ZNF790: variants seen among roughly 807,000 people sequenced by gnomAD.
The protein encoded by ZNF790 is zinc finger protein 790.
A neutral mutation model predicts 12.1 loss-of-function variants in ZNF790; 8 were observed. That is an observed-to-expected ratio of 0.66 (90% CI 0.39 to 1.19). The LOEUF (loss-of-function observed/expected upper bound fraction) is 1.19. Ranked by LOEUF, ZNF790 falls within the 50% of genes most tolerant of loss-of-function variation. The probability of loss-of-function intolerance (pLI) is 0.01; values close to 1 mark genes in which losing one functional copy is unlikely to be tolerated. For missense variants in ZNF790, 707 were observed against 752.2 expected, an observed-to-expected ratio of 0.94 and a Z score of 0.70; for synonymous variants, 252 against 244.3, an observed-to-expected ratio of 1.03 and a Z score of -0.29.
intron 1 of ZNF790, chr19:36,828,035 C>G (rs1259540782): frequency 6.6e-6 from 1 of 152,092 alleles, no homozygotes; most frequent in African/African-American, 2.4e-5. Flanking sequence ...GCATAGAGAA[C>G]TTTAAGCACT....
intron 1 of ZNF790, among the ~76,000 whole-genome samples, chr19:36,846,815 T>A (rs373412861): frequency 1.3e-4 from 20 of 152,212 alleles, no homozygotes; most frequent in East Asian, 1.2e-3. Flanking sequence ...TTCTTGATGC[T>A]CTGGCATTTG....
intron 1 of ZNF790, among the ~76,000 whole-genome samples, chr19:36,845,352 G>A (rs1376285928): frequency 6.6e-6 from 1 of 151,428 alleles, no homozygotes; most frequent in Non-Finnish European, 1.5e-5. Flanking sequence ...GGAGGTCGAG[G>A]CTGCAGTGAG....
rs778407176 is a variant in ZNF790, at chr19:36,819,941, CTTGA to C, written c.399_402del (p.Asn133LysfsTer8). The C allele has an allele frequency of 6.2e-7, 1 of 1,614,132 alleles. No individual in the cohort carries two copies. The highest frequency in any genetic ancestry group is 8.5e-7 in the Non-Finnish European group (1 of 1,180,020). On this transcript the variant is annotated frameshift_variant, in exon 5 of 5. Transcript: ENST00000356725. LOFTEE classifies it low-confidence loss of function (END_TRUNC). ...CGTATCACCTGCTTGAAGCATTCCT[CTTGA>C]TTATCTTGAAGTGTTTGAAACTGAG... is the stretch of plus-strand genomic sequence containing the variant.
intron 4 of ZNF790, among the ~76,000 whole-genome samples, chr19:36,821,381 C>T (rs1407258018): frequency 6.6e-6 from 1 of 151,976 alleles, no homozygotes; most frequent in Non-Finnish European, 1.5e-5. Context: ...CTTGACTGAG[C>T]TCTTAATTTT....
chr19:36,831,526 C>T (rs2036909487), intron 1 of ZNF790, among the ~76,000 whole-genome samples: 1 of 152,148 alleles, frequency 6.6e-6, no homozygotes, highest in Non-Finnish European at 1.5e-5. Context: ...AGGTTGAGGC[C>T]AGCCTGGGCA....
At chr19:36,821,269 T>C (rs2071665829) in intron 4 of ZNF790, among the ~76,000 whole-genome samples, 1 of 152,066 alleles carries the variant, frequency 6.6e-6, no homozygotes, top group Non-Finnish European at 1.5e-5. Flanking sequence ...AGTTACAAAG[T>C]ATGAGCAGTA....
chr19:36,818,300 GC>G lies in ZNF790; in HGVS notation c.*132del, dbSNP rs2146000772. 2.7e-6 allele frequency: 2 copies of G among 744,626 alleles called. No individual in the cohort carries two copies. Among genetic ancestry groups the G allele is most frequent in the Non-Finnish European group, 2.0e-6 (1 of 499,626 alleles). 46.1% of individuals were successfully genotyped at this position (744,626 alleles called of 1,614,324 possible). A position where few individuals can be genotyped will look rare whatever the true frequency, so the allele number is the denominator to read the frequency against. On this transcript the variant is annotated 3_prime_UTR_variant, in exon 5 of 5. Coordinates refer to ENST00000356725, the MANE Select transcript of ZNF790 (RefSeq NM_206894.4). Reference sequence around the variant, plus strand: ...ATTCTCTGCTGCTGCTGCTGCTGCTGCTGCTGGATGTGTGCTCTGTTAAAAT... The same window carrying G: ...ATTCTCTGCTGCTGCTGCTGCTGCTGTGCTGGATGTGTGCTCTGTTAAAAT...
chr19:36,843,672 T>A (rs1048294334), intron 1 of ZNF790, among the ~76,000 whole-genome samples: 3 of 152,104 alleles, frequency 2.0e-5, no homozygotes, highest in African/African-American at 4.8e-5. Flanking sequence ...TAAAAAGTAT[T>A]AAGCATGCCG....
chr19:36,843,032 G>A (rs1299099595), upstream of ZNF790, among the ~76,000 whole-genome samples: 2 of 151,544 alleles, frequency 1.3e-5, no homozygotes, highest in Non-Finnish European at 2.9e-5. Flanking sequence ...AGACATGAAG[G>A]AGTGTTTGGG....
chr19:36,822,580 G>C (rs1249674028), intron 4 of ZNF790, among the ~76,000 whole-genome samples: 1 of 152,208 alleles, frequency 6.6e-6, no homozygotes. Flanking sequence ...CTGTACTCCA[G>C]CCCAGGCTAG....
At chr19:36,823,231 C>CTGAGCT in intron 4 of ZNF790, 54 bp downstream of exon 4, 1 of 1,492,644 alleles carries the variant, frequency 6.7e-7, no homozygotes, top group Non-Finnish European at 9.3e-7. Flanking sequence ...CACTGTGCAG[C>CTGAGCT]TGAGCTGTTA....
intron 1 of ZNF790, among the ~76,000 whole-genome samples, chr19:36,846,536 C>T (rs2072182651): frequency 6.6e-6 from 1 of 152,076 alleles, no homozygotes; most frequent in Admixed American, 6.6e-5. Context: ...TGCACTCCAG[C>T]CTGGGCGACA....
At chr19:36,824,190 G>C (rs1449859720) in intron 2 of ZNF790, among the ~76,000 whole-genome samples, 1 of 151,792 alleles carries the variant, frequency 6.6e-6, no homozygotes, top group Non-Finnish European at 1.5e-5. Flanking sequence ...GTAGAGACGG[G>C]GTTTCTCCGT....
chr19:36,823,816 T>G, intron 2 of ZNF790, 26 bp from the exon 3 acceptor site: 1 of 1,576,928 alleles, frequency 6.3e-7, no homozygotes, highest in Non-Finnish European at 8.6e-7. Context: ...ATTCCAAGTA[T>G]TAATGGTGAA....
At chr19:36,828,783 A>T (rs560308968) in intron 1 of ZNF790, among the ~76,000 whole-genome samples, 1 of 152,324 alleles carries the variant, frequency 6.6e-6, no homozygotes, top group East Asian at 1.9e-4. Context: ...CCAGCCAAAA[A>T]CTAATTCTAA....
At position 36,819,175 on chromosome 19, in the gene ZNF790, C is replaced by T. The variant is rs187578273; in HGVS notation, c.1169G>A (p.Gly390Asp). The change falls in exon 5 of 5, where the codon GGT (glycine) becomes GAT (aspartate). Residue 390 changes from glycine (G) to aspartate (D), a missense_variant. Physicochemically the swap from Gly to Asp is moderately conservative, Grantham distance 94. Coordinates refer to ENST00000356725, the MANE Select transcript of ZNF790 (RefSeq NM_206894.4). ...TTTCTCACATTTATAAGGTTTCCTA[C>T]CAACATGAACATTCTGATGTTGAGC... is the stretch of plus-strand genomic sequence containing the variant. ...NLAQHQNVHV[G>D]RKPYKCEKCG... The T allele has an allele frequency of 8.1e-6, 13 of 1,614,000 alleles. No individual in the cohort carries two copies. In the East Asian group the frequency reaches 2.9e-4, roughly 36 times the overall value.
chr19:36,825,361 A>G (rs1373097908), intron 2 of ZNF790, among the ~76,000 whole-genome samples: 1 of 152,214 alleles, frequency 6.6e-6, no homozygotes, highest in Admixed American at 6.5e-5. Flanking sequence ...CCTTAAGGAA[A>G]TGTATTTCTC....
chr19:36,849,910 C>T (rs1485606751), intron 1 of ZNF790: 2 of 152,736 alleles, frequency 1.3e-5, no homozygotes, highest in East Asian at 3.9e-4. Context: ...CGGTTTCTTT[C>T]ACTCAACTAC....
Position 36,820,097 on chromosome 19 carries a change from G to C in ZNF790, c.247C>G (p.Gln83Glu). Residue 83 changes from glutamine (Q) to glutamate (E), a missense_variant, in exon 5 of 5, where the codon CAG becomes GAG. Coordinates refer to ENST00000356725, the MANE Select transcript of ZNF790 (RefSeq NM_206894.4). ...TTTTTTGGTAATAACTTCTTGGTCT[G>C]ACACCTCGACTGCATGTCTGAAAAA... ...GPCPDMQSRC[Q>E]TKKLLPKNGI... The C allele has an allele frequency of 6.2e-7, 1 of 1,602,958 alleles. No homozygotes were observed. Among genetic ancestry groups the C allele is most frequent in the Non-Finnish European group, 8.5e-7 (1 of 1,178,512 alleles).
Sources: gnomAD v4.1 joint callset for allele counts (sites outside exome capture counted in the v4.1 genomes callset) on GRCh38, gnomAD v4.1.1 for gene constraint, MANE v1.5 for transcripts, NCBI Gene and HGNC (gene_info 2026-07-23, HGNC 2026-07-21) for gene names.